The following CSMD1 variants were observed in gnomAD, a reference collection of about 807,000 sequenced individuals.
CSMD1 encodes CUB and Sushi multiple domains 1.
Under a neutral mutation model 417.5 loss-of-function variants are expected in CSMD1, and 213 were observed. The observed-to-expected ratio is 0.51, with a 90% confidence interval of 0.46 to 0.57. CSMD1 has a LOEUF of 0.57. Ranked by LOEUF, CSMD1 falls within the 20% of genes least tolerant of loss-of-function variation. The pLI is 0.00. For synonymous variants in CSMD1, 2,862 were observed against 1,736.8 expected (o/e 1.65, Z -16.11); for missense variants, 6,923 against 4,529.7 (o/e 1.53, Z -15.17).
chr8:4,418,505 C>T (rs79184718), intron 3 of CSMD1, among the ~76,000 whole-genome samples: 1 of 152,076 alleles, frequency 6.6e-6, no homozygotes, highest in Non-Finnish European at 1.5e-5. Context: ...CAGCTATCAA[C>T]TTCATCAGGA....
chr8:4,502,181 TCTTATGAACA>T (rs1356339388), intron 2 of CSMD1, among the ~76,000 whole-genome samples: 1 of 152,158 alleles, frequency 6.6e-6, no homozygotes, highest in African/African-American at 2.4e-5. Context: ...CAGTAATCAT[TCTTATGAACA>T]GAAACATTTT....
At chr8:4,709,051 C>A (rs1257986738) in intron 1 of CSMD1, among the ~76,000 whole-genome samples, 1 of 152,140 alleles carries the variant, frequency 6.6e-6, no homozygotes, top group Non-Finnish European at 1.5e-5. Context: ...GTCTATGGTA[C>A]TTTGTTATGG....
At chr8:4,768,570 T>C (rs1167016141) in intron 1 of CSMD1, among the ~76,000 whole-genome samples, 3 of 152,156 alleles carry the variant, frequency 2.0e-5, no homozygotes, top group Non-Finnish European at 4.4e-5. Context: ...ATGCTTTGGA[T>C]TGCACGAGCT....
chr8:3,394,835 G>T (rs189217770), intron 17 of CSMD1, among the ~76,000 whole-genome samples: 4 of 152,082 alleles, frequency 2.6e-5, no homozygotes, highest in Admixed American at 6.6e-5. Context: ...AGCAAATGTT[G>T]TATATCTATA....
chr8:4,396,964 C>T (rs943556706), intron 3 of CSMD1, among the ~76,000 whole-genome samples: 3 of 151,938 alleles, frequency 2.0e-5, no homozygotes, highest in Admixed American at 6.6e-5. Flanking sequence ...ACCAAAGTCT[C>T]AGAAATCACT....
chr8:3,781,045 C>T (rs1162648167), intron 5 of CSMD1, among the ~76,000 whole-genome samples: 13 of 152,108 alleles, frequency 8.5e-5, no homozygotes, highest in Non-Finnish European at 1.5e-5. Context: ...GAAATCTAAG[C>T]AAAGTAAAGC....
intron 3 of CSMD1, among the ~76,000 whole-genome samples, chr8:4,209,414 T>C (rs920193550): frequency 2.0e-5 from 3 of 152,140 alleles, no homozygotes; most frequent in Admixed American, 6.5e-5. Flanking sequence ...TCCTGTGGAA[T>C]TGTATGAGGT....
intron 41 of CSMD1, among the ~76,000 whole-genome samples, chr8:3,123,217 C>A (rs1817307580): frequency 6.6e-6 from 1 of 152,180 alleles, no homozygotes; most frequent in Non-Finnish European, 1.5e-5. Context: ...CATCTGCATT[C>A]CCCCATCGTG....
intron 18 of CSMD1, among the ~76,000 whole-genome samples, chr8:3,378,016 G>A (rs747951814): frequency 1.3e-5 from 2 of 152,202 alleles, no homozygotes; most frequent in Non-Finnish European, 2.9e-5. Flanking sequence ...CATCAAGGCT[G>A]AGTGTGACCT....
chr8:4,422,170 G>C (rs1413389715), intron 2 of CSMD1, among the ~76,000 whole-genome samples: 1 of 152,032 alleles, frequency 6.6e-6, no homozygotes, highest in Non-Finnish European at 1.5e-5. Flanking sequence ...GTTCCCACTG[G>C]AGAATTCTAC....
intron 30 of CSMD1, among the ~76,000 whole-genome samples, chr8:3,211,844 G>C (rs1452503601): frequency 6.6e-6 from 1 of 152,224 alleles, no homozygotes; most frequent in African/African-American, 2.4e-5. Flanking sequence ...CACAGGGCAA[G>C]CACCCAGAAC....
At chr8:2,999,143 CTTTT>C (rs921450629) in intron 53 of CSMD1, among the ~76,000 whole-genome samples, 2 of 135,836 alleles carry the variant, frequency 1.5e-5, no homozygotes, top group African/African-American at 5.4e-5. Flanking sequence ...TTACCTCTTT[CTTTT>C]TTTTCCCTTT....
chr8:4,896,203 G>A (rs565070760), intron 1 of CSMD1, among the ~76,000 whole-genome samples: 1 of 152,102 alleles, frequency 6.6e-6, no homozygotes, highest in South Asian at 2.1e-4. Flanking sequence ...CTTTTGTGAA[G>A]TGTCTTGTCA....
chr8:4,527,824 T>C (rs567363388), intron 2 of CSMD1, among the ~76,000 whole-genome samples: 2 of 152,184 alleles, frequency 1.3e-5, no homozygotes, highest in African/African-American at 4.8e-5. Context: ...GTTAGAAAGA[T>C]TAAGTTTTCA....
intron 3 of CSMD1, among the ~76,000 whole-genome samples, chr8:4,390,159 G>A (rs1297054835): frequency 3.9e-5 from 6 of 152,092 alleles, no homozygotes; most frequent in African/African-American, 1.4e-4. Flanking sequence ...TCATCCCATT[G>A]TGTTTTAATT....
At position 3,383,006 on chromosome 8, in the gene CSMD1, G is replaced by C. The variant is rs527961532; in HGVS notation, c.2782+4488C>G. ...TGTGACAAAGTCAGCCGAACAATGAGAGGAGAAACAGGATCTCAAATACCA... is the reference window on the plus strand; with the variant it reads ...TGTGACAAAGTCAGCCGAACAATGACAGGAGAAACAGGATCTCAAATACCA... On this transcript the variant is annotated intron_variant, in intron 18 of 69. Coordinates refer to ENST00000635120, the MANE Select transcript of CSMD1 (RefSeq NM_033225.6). Among the ~76,000 whole-genome samples, 79 of 152,274 alleles carry C rather than the reference G, an allele frequency of 5.2e-4. 1 individual carries two copies. The Middle Eastern group carries it at 0.017, about 33-fold the overall frequency.
intron 2 of CSMD1, among the ~76,000 whole-genome samples, chr8:4,427,658 T>G (rs760819032): frequency 3.9e-5 from 6 of 152,154 alleles, no homozygotes; most frequent in Non-Finnish European, 8.8e-5. Flanking sequence ...TACGTTAACT[T>G]TTGGCCTCAG....
chr8:3,405,997 G>C, intron 15 of CSMD1, 30 bp downstream of exon 15: 2 of 1,601,902 alleles, frequency 1.2e-6, no homozygotes, highest in Non-Finnish European at 1.7e-6. Flanking sequence ...GATTTCAAAG[G>C]AGAAGAGCGG....
At chr8:3,210,131 C>T (rs1302041521) in intron 30 of CSMD1, among the ~76,000 whole-genome samples, 1 of 152,066 alleles carries the variant, frequency 6.6e-6, no homozygotes, top group Admixed American at 6.6e-5. Context: ...AGCAAAAGGC[C>T]CCGAGGTTAA....
Sources: allele counts gnomAD v4.1 joint callset (sites outside exome capture counted in the v4.1 genomes callset), GRCh38; gene constraint gnomAD v4.1.1; transcripts MANE v1.5; gene names NCBI Gene and HGNC (gene_info 2026-07-23, HGNC 2026-07-21).